The following RNF126 variants were observed in gnomAD, a reference collection of about 807,000 sequenced individuals.
RNF126 encodes the protein E3 ubiquitin-protein ligase RNF126.
A neutral mutation model predicts 41.9 loss-of-function variants in RNF126; 20 were observed. That is an observed-to-expected ratio of 0.48 (90% confidence interval 0.34 to 0.69). The LOEUF is 0.69. Among genes scored for constraint, RNF126 ranks in the 30% least tolerant of loss-of-function variants. The pLI is 0.01. For missense variants in RNF126, 433 were observed against 460.6 expected, an observed-to-expected ratio of 0.94 and a Z score of 0.55; for synonymous variants, 239 against 202.9, an observed-to-expected ratio of 1.18 and a Z score of -1.51.
rs1272056506 is a variant in RNF126 at position 659,951 on chromosome 19, G to C, written c.75+3096C>G. On this transcript the variant is annotated intron_variant, in intron 1 of 8. Coordinates refer to ENST00000292363, the MANE Select transcript of RNF126 (RefSeq NM_194460.3). This position sits in a 1 kb window ranked among gnomAD's most constrained non-coding sequence, Gnocchi z 4.9. Reference sequence around the variant, plus strand: ...GCCAATCTTTTGTATTTTTAGTAGGGATGGGGTTTTACCATGTTAGCCAGG... The same window carrying C: ...GCCAATCTTTTGTATTTTTAGTAGGCATGGGGTTTTACCATGTTAGCCAGG... Among the ~76,000 whole-genome samples, 1 of 152,130 alleles carries C rather than the reference G, an allele frequency of 6.6e-6. No homozygotes were observed.
Position 649,675 on chromosome 19 carries a change from G to A in RNF126, c.576+4C>T. The A allele has an allele frequency of 1.3e-6, 2 of 1,561,344 alleles. No homozygotes were observed. Among genetic ancestry groups the A allele is most frequent in the Non-Finnish European group, 1.7e-6 (2 of 1,151,636 alleles). On this transcript the variant is annotated splice_donor_region_variant and intron_variant, in intron 6 of 8. Transcript: ENST00000292363. ...AGGCACTCTGGGCCGTGGCCACGCTGTACCTGTGTGATGATGGCATCCAGG... is the reference window on the plus strand; with the variant it reads ...AGGCACTCTGGGCCGTGGCCACGCTATACCTGTGTGATGATGGCATCCAGG...
intron 1 of RNF126, among the ~76,000 whole-genome samples, chr19:655,554 C>T (rs575107758): frequency 1.3e-5 from 2 of 151,848 alleles, no homozygotes; most frequent in Admixed American, 6.6e-5. Flanking sequence ...GCTGGGTAAA[C>T]GCAGCCGGCC....
chr19:658,134 C>T (rs1247701095), intron 1 of RNF126, among the ~76,000 whole-genome samples: 1 of 152,114 alleles, frequency 6.6e-6, no homozygotes, highest in Non-Finnish European at 1.5e-5. Context: ...CCGGCATCAT[C>T]ACCATAGCAA....
At position 659,257 on chromosome 19, in the gene RNF126, A is replaced by G. The variant is rs1305505879; in HGVS notation, c.75+3790T>C. 1.6e-4 allele frequency among the ~76,000 whole-genome samples: 24 copies of G among 152,094 alleles called. 1 individual carries two copies. Among genetic ancestry groups the G allele is most frequent in the Non-Finnish European group, 2.9e-5 (2 of 67,992 alleles). On this transcript the variant is annotated intron_variant, in intron 1 of 8. Coordinates refer to ENST00000292363, the MANE Select transcript of RNF126 (RefSeq NM_194460.3). This position sits in a 1 kb window ranked among gnomAD's most constrained non-coding sequence, Gnocchi z 4.9. The stretch of plus-strand genomic sequence containing the variant: ...AGGCCGCCGCAGGGACCAGGAGAAG[A>G]CAGGGTGGGCCGGGGGGCAGCTGGG...
intron 4 of RNF126, 83 bp downstream of exon 4, chr19:651,528 T>C: frequency 1.5e-6 from 2 of 1,312,826 alleles, no homozygotes; most frequent in South Asian, 1.8e-5. Flanking sequence ...CACGTTTCCG[T>C]GGAACCCGTG....
In RNF126 at chr19:648,574, G is replaced by A. The variant is rs560776845; in HGVS notation, c.671-87C>T. 11 of 1,113,102 alleles carry A rather than the reference G, an allele frequency of 9.9e-6. No individual in the cohort carries two copies. In the East Asian group the frequency reaches 2.3e-4, roughly 24 times the overall value. 69.0% of individuals were successfully genotyped at this position (1,113,102 alleles called of 1,614,324 possible). On this transcript the variant is annotated intron_variant, in intron 7 of 8. Transcript: ENST00000292363. ...AGGCTACTCCACAGCCTCAGCCGGA[G>A]GCCGCCCCTGAGCCCAGCGAGGGGA...
Position 652,230 on chromosome 19 carries a change from C to T in RNF126, c.198+3G>A. 6.6e-6 allele frequency: 10 copies of T among 1,525,392 alleles called. No individual in the cohort carries two copies. The highest frequency in any genetic ancestry group is 1.3e-5 in the South Asian group (1 of 77,216). 94.5% of individuals were successfully genotyped at this position (1,525,392 alleles called of 1,614,324 possible). On this transcript the variant is annotated splice_donor_region_variant and intron_variant, in intron 3 of 8. Transcript: ENST00000292363. ...CGGGAAGCACGAGGGGCGGGCGACT[C>T]ACCTCCAACGGTGGCCGGCTCTGGT...
intron 1 of RNF126, among the ~76,000 whole-genome samples, chr19:660,473 G>A (rs564189987): frequency 1.3e-5 from 2 of 150,112 alleles, no homozygotes; most frequent in Admixed American, 1.3e-4. Flanking sequence ...TGTCTCAGCA[G>A]CAGCAGTGCC....
chr19:662,920 G>A (rs974858347), intron 1 of RNF126, 127 bp downstream of exon 1: 6 of 358,592 alleles, frequency 1.7e-5, no homozygotes, highest in South Asian at 2.0e-4. Flanking sequence ...GCTGCCCCGA[G>A]CCTCAGTTTT....
intron 4 of RNF126, chr19:650,527 C>G (rs1486131122): frequency 1.2e-5 from 5 of 410,622 alleles, no homozygotes; most frequent in African/African-American, 4.1e-5. Context: ...AAGCGATCCT[C>G]CCGCCTCAGC....
rs554326412 is a variant in RNF126 at position 659,749 on chromosome 19, G to A, written c.75+3298C>T. On this transcript the variant is annotated intron_variant, in intron 1 of 8. Transcript: ENST00000292363. This position sits in a 1 kb window ranked among gnomAD's most constrained non-coding sequence, Gnocchi z 4.9. The stretch of plus-strand genomic sequence containing the variant: ...GCTCCCTTTGCTGCTCAGACACCCA[G>A]ACACCCTCGTCATCGCCTTTTTTTT... 1.3e-5 allele frequency among the ~76,000 whole-genome samples: 2 copies of A among 150,554 alleles called. No individual in the cohort carries two copies. The highest frequency in any genetic ancestry group is 3.0e-5 in the Non-Finnish European group (2 of 67,766).
intron 2 of RNF126, 22 bp downstream of exon 2, chr19:652,804 C>G: frequency 5.0e-6 from 8 of 1,611,558 alleles, no homozygotes; most frequent in Non-Finnish European, 6.8e-6. Flanking sequence ...CTTCCAGCCT[C>G]TTCAACAGGG....
chr19:653,466 C>A (rs925693158), intron 1 of RNF126, among the ~76,000 whole-genome samples: 2 of 152,224 alleles, frequency 1.3e-5, no homozygotes, highest in Non-Finnish European at 2.9e-5. Context: ...CCCAAAACCA[C>A]GTTCACAGTT....
rs1200704034 is a variant in RNF126 at position 659,833 on chromosome 19, G to A, written c.75+3214C>T. Among the ~76,000 whole-genome samples the A allele has an allele frequency of 5.3e-5, 8 of 149,840 alleles. No homozygotes were observed. Among genetic ancestry groups the A allele is most frequent in the Non-Finnish European group, 1.0e-4 (7 of 67,740 alleles). On this transcript the variant is annotated intron_variant, in intron 1 of 8. Coordinates refer to ENST00000292363, the MANE Select transcript of RNF126 (RefSeq NM_194460.3). This position sits in a 1 kb window ranked among gnomAD's most constrained non-coding sequence, Gnocchi z 4.9. Reference sequence around the variant, plus strand: ...GGCTGGACTGCAGTGGCACAATCTCGGCTCACTGCAACCTCCGCCTTCCAG... The same window carrying A: ...GGCTGGACTGCAGTGGCACAATCTCAGCTCACTGCAACCTCCGCCTTCCAG...
chr19:659,168 C>T lies in RNF126; in HGVS notation c.75+3879G>A, dbSNP rs558027323. Among the ~76,000 whole-genome samples the T allele has an allele frequency of 3.9e-5, 6 of 152,154 alleles. 1 individual carries two copies. The highest frequency in any genetic ancestry group is 7.2e-5 in the African/African-American group (3 of 41,418). Reference sequence around the variant, plus strand: ...TCACTGTCACGGTATCTGGCACAACCGCAGACACACAGAGCAAGCAGCGGC... The same window carrying T: ...TCACTGTCACGGTATCTGGCACAACTGCAGACACACAGAGCAAGCAGCGGC... On this transcript the variant is annotated intron_variant, in intron 1 of 8. Transcript: ENST00000292363. The surrounding 1 kb of genome is among the most constrained non-coding windows in gnomAD (Gnocchi z 4.9).
Position 657,904 on chromosome 19 carries a change from G to T in RNF126, c.76-5020C>A, listed in dbSNP as rs1366561967. ...GTCTCCAGCCGCCCTCCTCCTCCAAGGGCACAGCCAAGAGACCGCTTGGTC... is the reference window on the plus strand; with the variant it reads ...GTCTCCAGCCGCCCTCCTCCTCCAATGGCACAGCCAAGAGACCGCTTGGTC... On this transcript the variant is annotated intron_variant, in intron 1 of 8. Transcript: ENST00000292363. 2.0e-5 allele frequency among the ~76,000 whole-genome samples: 3 copies of T among 152,084 alleles called. No homozygotes were observed. The East Asian group carries it at 5.8e-4, about 29-fold the overall frequency.
chr19:650,931 A>C (rs2040738), intron 4 of RNF126, among the ~76,000 whole-genome samples: 6 of 151,996 alleles, frequency 3.9e-5, no homozygotes, highest in African/African-American at 1.5e-4. Flanking sequence ...GCCTCCCTAC[A>C]TTGCTCAGGC....
At chr19:655,311 G>A (rs2030514332) in intron 1 of RNF126, among the ~76,000 whole-genome samples, 1 of 150,210 alleles carries the variant, frequency 6.7e-6, no homozygotes, top group Non-Finnish European at 1.5e-5. Flanking sequence ...CTGGGTGACA[G>A]AACCAGACCC....
intron 1 of RNF126, among the ~76,000 whole-genome samples, chr19:654,325 C>T (rs930869662): frequency 2.0e-5 from 3 of 152,218 alleles, no homozygotes; most frequent in Non-Finnish European, 2.9e-5. Context: ...GCGTTTCAGC[C>T]CACGCCCCAC....
Sources: allele counts gnomAD v4.1 joint callset (sites outside exome capture counted in the v4.1 genomes callset), GRCh38; gene constraint gnomAD v4.1.1; non-coding constraint Gnocchi (gnomAD v3.1); transcripts MANE v1.5; gene names NCBI Gene and HGNC (gene_info 2026-07-23, HGNC 2026-07-21).